Variants in LDLRAD3 observed in about 807,000 individuals in gnomAD.
LDLRAD3 encodes the protein low density lipoprotein receptor class A domain containing 3, also known as low-density lipoprotein receptor class A domain-containing protein 3.
A neutral mutation model predicts 29.4 loss-of-function variants in LDLRAD3; 20 were observed. The observed-to-expected ratio is 0.68, with a 90% CI of 0.48 to 0.99. LDLRAD3 has a LOEUF of 0.99. LDLRAD3 is among the 50% of genes least tolerant of loss of function. The pLI is 0.00. For missense variants in LDLRAD3, 420 were observed against 454.3 expected, an observed-to-expected ratio of 0.92 and a Z score of 0.69; for synonymous variants, 157 against 192.7, an observed-to-expected ratio of 0.81 and a Z score of 1.53.
intron 2 of LDLRAD3, among the ~76,000 whole-genome samples, chr11:36,074,596 C>T (rs760636014): frequency 1.3e-5 from 2 of 152,158 alleles, no homozygotes; most frequent in African/African-American, 2.4e-5. Context: ...AGCATGATGA[C>T]TCTAGGTTTT....
intron 4 of LDLRAD3, among the ~76,000 whole-genome samples, chr11:36,175,599 C>A (rs777819813): frequency 2.0e-5 from 3 of 152,120 alleles, no homozygotes; most frequent in Non-Finnish European, 4.4e-5. Context: ...TATTTAATTT[C>A]TATGTATTTG....
chr11:35,989,064 G>C (rs989407243), intron 1 of LDLRAD3: 2 of 152,252 alleles, frequency 1.3e-5, no homozygotes, highest in East Asian at 3.9e-4. Context: ...TGAAAGATGG[G>C]TGTTCAATTT....
chr11:36,181,592 G>T (rs556069071), intron 4 of LDLRAD3, among the ~76,000 whole-genome samples: 3 of 152,216 alleles, frequency 2.0e-5, no homozygotes, highest in South Asian at 4.2e-4. Context: ...CCTCCGAAAC[G>T]CCTCTGGCAT....
At chr11:36,165,045 A>C (rs1285683105) in intron 4 of LDLRAD3, among the ~76,000 whole-genome samples, 1 of 152,236 alleles carries the variant, frequency 6.6e-6, no homozygotes, top group East Asian at 1.9e-4. Flanking sequence ...TGCTTCCATA[A>C]ATAATCACTA....
chr11:36,060,916 A>G (rs543511548), intron 2 of LDLRAD3, among the ~76,000 whole-genome samples: 1 of 152,356 alleles, frequency 6.6e-6, no homozygotes, highest in South Asian at 2.1e-4. Flanking sequence ...TTATGAAAAT[A>G]TGAATTTATA....
At chr11:36,003,123 G>T (rs186387674) in intron 1 of LDLRAD3, among the ~76,000 whole-genome samples, 1 of 152,352 alleles carries the variant, frequency 6.6e-6, no homozygotes, top group Admixed American at 6.5e-5. Flanking sequence ...TGTTGATAAA[G>T]AGAAAATGCC....
chr11:35,965,200 ACT>A (rs1851324644), intron 1 of LDLRAD3, among the ~76,000 whole-genome samples: 1 of 152,118 alleles, frequency 6.6e-6, no homozygotes, highest in Admixed American at 6.6e-5. Flanking sequence ...AAACCAAATC[ACT>A]CTCTAATTAT....
At chr11:36,155,156 A>T (rs1565264577) in intron 4 of LDLRAD3, among the ~76,000 whole-genome samples, 1 of 152,218 alleles carries the variant, frequency 6.6e-6, no homozygotes, top group African/African-American at 2.4e-5. Flanking sequence ...CCCAGAGTGG[A>T]TCACAGCTGT....
At chr11:36,009,190 A>G (rs2133185775) in intron 1 of LDLRAD3, among the ~76,000 whole-genome samples, 1 of 152,284 alleles carries the variant, frequency 6.6e-6, no homozygotes, top group South Asian at 2.1e-4. Flanking sequence ...GGCTACTTCT[A>G]CCTTTCTCTT....
chr11:36,019,214 C>T (rs960237759), intron 1 of LDLRAD3, among the ~76,000 whole-genome samples: 1 of 152,254 alleles, frequency 6.6e-6, no homozygotes, highest in African/African-American at 2.4e-5. Flanking sequence ...GGGTTGGAGC[C>T]TGTTGGAGCT....
chr11:36,013,394 C>T (rs1226254253), intron 1 of LDLRAD3, among the ~76,000 whole-genome samples: 2 of 152,082 alleles, frequency 1.3e-5, no homozygotes, highest in Non-Finnish European at 2.9e-5. Context: ...CACCTGTCTA[C>T]CCATTGTCTA....
intron 4 of LDLRAD3, among the ~76,000 whole-genome samples, chr11:36,224,590 G>C (rs1263721455): frequency 6.6e-6 from 1 of 152,062 alleles, no homozygotes; most frequent in Non-Finnish European, 1.5e-5. Context: ...CTGTTTTTCT[G>C]CTGGGCCCCT....
chr11:35,952,859 A>G lies in LDLRAD3; in HGVS notation c.46+8715A>G, dbSNP rs530066160. Among the ~76,000 whole-genome samples, 42 of 152,356 alleles carry G rather than the reference A, an allele frequency of 2.8e-4. 1 individual carries two copies. The highest frequency in any genetic ancestry group is 9.6e-4 in the African/African-American group (40 of 41,578). Reference sequence around the variant, plus strand: ...GCTTATATGGTCCATGTATGAGAGAACATTTCCTGAACTAGAGATTGATGT... The same window carrying G: ...GCTTATATGGTCCATGTATGAGAGAGCATTTCCTGAACTAGAGATTGATGT... On this transcript the variant is annotated intron_variant, in intron 1 of 5. Coordinates refer to ENST00000315571, the MANE Select transcript of LDLRAD3 (RefSeq NM_174902.4).
intron 4 of LDLRAD3, among the ~76,000 whole-genome samples, chr11:36,179,921 C>G (rs1854732315): frequency 6.6e-6 from 1 of 152,090 alleles, no homozygotes; most frequent in African/African-American, 2.4e-5. Flanking sequence ...TTGCTTGAAC[C>G]CAGATCGAGG....
chr11:36,160,253 T>G (rs1442772293), intron 4 of LDLRAD3, among the ~76,000 whole-genome samples: 1 of 152,070 alleles, frequency 6.6e-6, no homozygotes, highest in African/African-American at 2.4e-5. Context: ...TTGTTCTCAG[T>G]CCCCTCTGCC....
intron 4 of LDLRAD3, among the ~76,000 whole-genome samples, chr11:36,152,791 C>T (rs893930129): frequency 4.6e-5 from 7 of 152,322 alleles, no homozygotes; most frequent in South Asian, 2.1e-4. Context: ...GCACCTTTTT[C>T]CATGCTATTT....
intron 1 of LDLRAD3, among the ~76,000 whole-genome samples, chr11:35,979,396 C>T (rs767301352): frequency 6.6e-6 from 1 of 152,218 alleles, no homozygotes; most frequent in South Asian, 2.1e-4. Flanking sequence ...CCTATGACCT[C>T]TCTGAACTTG....
At chr11:36,158,995 C>T (rs1246745717) in intron 4 of LDLRAD3, among the ~76,000 whole-genome samples, 1 of 152,114 alleles carries the variant, frequency 6.6e-6, no homozygotes, top group Non-Finnish European at 1.5e-5. Flanking sequence ...TATAGCTGCC[C>T]TACTGTGCAA....
chr11:36,166,264 T>C (rs1208188233), intron 4 of LDLRAD3, among the ~76,000 whole-genome samples: 4 of 152,198 alleles, frequency 2.6e-5, no homozygotes, highest in Non-Finnish European at 5.9e-5. Flanking sequence ...CATTGCTCCA[T>C]GTCAACATGA....
Sources: allele counts gnomAD v4.1 joint callset (sites outside exome capture counted in the v4.1 genomes callset), GRCh38; gene constraint gnomAD v4.1.1; transcripts MANE v1.5; gene names NCBI Gene and HGNC (gene_info 2026-07-23, HGNC 2026-07-21).